Variants in ANKRD30B observed in about 807,000 individuals in gnomAD.
ANKRD30B encodes ankyrin repeat domain 30B.
ANKRD30B carries 144 observed loss-of-function variants against 202.2 expected under a neutral mutation model. The ratio of observed to expected loss-of-function variants is 0.71; its 90% CI spans 0.62 to 0.82. The LOEUF is 0.82. ANKRD30B is among the 40% of genes least tolerant of loss of function. The pLI is 0.00. For missense variants in ANKRD30B, 1,487 were observed against 1,669.1 expected, an observed-to-expected ratio of 0.89 and a Z score of 1.90; for synonymous variants, 508 against 561.3, an observed-to-expected ratio of 0.91 and a Z score of 1.34.
At chr18:14,836,502 T>C (rs1447304719) in intron 34 of ANKRD30B, among the ~76,000 whole-genome samples, 2 of 152,128 alleles carry the variant, frequency 1.3e-5, no homozygotes, top group African/African-American at 2.4e-5. Flanking sequence ...TAATTAACTC[T>C]CTACCTATAA....
chr18:14,844,757 C>T (rs947367604), intron 39 of ANKRD30B, among the ~76,000 whole-genome samples: 3 of 152,128 alleles, frequency 2.0e-5, no homozygotes, highest in African/African-American at 7.2e-5. Flanking sequence ...TGTTTCCTGA[C>T]TTTTTAATGA....
chr18:14,791,283 G>C, intron 15 of ANKRD30B, 118 bp from the exon 16 acceptor site: 1 of 801,732 alleles, frequency 1.2e-6, no homozygotes, highest in Non-Finnish European at 2.0e-6. Flanking sequence ...CTCTTAAGTC[G>C]AATTGTTTGC....
At chr18:14,818,197 A>G (rs1187128968) in intron 30 of ANKRD30B, among the ~76,000 whole-genome samples, 1 of 152,188 alleles carries the variant, frequency 6.6e-6, no homozygotes, top group Non-Finnish European at 1.5e-5. Context: ...ACAGTGTTTT[A>G]GCAACTCGCA....
intron 26 of ANKRD30B, among the ~76,000 whole-genome samples, chr18:14,808,961 C>T (rs1420736461): frequency 6.6e-6 from 1 of 150,832 alleles, no homozygotes; most frequent in Non-Finnish European, 1.5e-5. Context: ...ATGTGGATAT[C>T]TGTCCAGCAG....
At chr18:14,826,693 T>TCTCTCACACACA (rs762792279) in intron 32 of ANKRD30B, among the ~76,000 whole-genome samples, 1,517 of 124,990 alleles carry the variant, frequency 0.012, 10 homozygotes, top group Non-Finnish European at 0.019. Context: ...TCTCTCTCTC[T>TCTCTCACACACA]CACACACACA....
chr18:14,920,423 C>T, the ANKRD30B span, among the ~76,000 whole-genome samples: 1 of 152,148 alleles, frequency 6.6e-6, no homozygotes, highest in African/African-American at 2.4e-5. Context: ...ACCATAGTGA[C>T]TAGTGTCACC....
chr18:14,800,443 G>A (rs1194818830), intron 22 of ANKRD30B, among the ~76,000 whole-genome samples: 2 of 151,142 alleles, frequency 1.3e-5, no homozygotes, highest in Admixed American at 6.6e-5. Context: ...TCCTGCCTGG[G>A]CCTCCCAAGT....
intron 14 of ANKRD30B, among the ~76,000 whole-genome samples, chr18:14,786,697 G>A (rs1968104127): frequency 6.6e-6 from 1 of 152,176 alleles, no homozygotes; most frequent in Non-Finnish European, 1.5e-5. Flanking sequence ...AAAGAAATGA[G>A]AGATGATAGG....
At chr18:14,834,608 A>T (rs1192777842) in intron 34 of ANKRD30B, among the ~76,000 whole-genome samples, 1 of 152,022 alleles carries the variant, frequency 6.6e-6, no homozygotes, top group Non-Finnish European at 1.5e-5. Flanking sequence ...TAAAAAGCTG[A>T]CAGAAAATAT....
chr18:14,793,828 A>G (rs1968688113), intron 16 of ANKRD30B, among the ~76,000 whole-genome samples: 1 of 150,692 alleles, frequency 6.6e-6, no homozygotes, highest in Non-Finnish European at 1.5e-5. Context: ...CGGGAGGTGG[A>G]GCTTGTATTC....
Position 14,849,493 on chromosome 18 carries a change from T to C in ANKRD30B, c.3395+564T>C, listed in dbSNP as rs192214682. Reference sequence around the variant, plus strand: ...TGCATGGAATATAAAGAAAATATAATTTATGATTAGTTTATTCAACATCTC... The same window carrying C: ...TGCATGGAATATAAAGAAAATATAACTTATGATTAGTTTATTCAACATCTC... On this transcript the variant is annotated intron_variant, in intron 40 of 43. Coordinates refer to ENST00000690538, the MANE Select transcript of ANKRD30B (RefSeq NM_001367607.2). 5.0e-4 allele frequency among the ~76,000 whole-genome samples: 76 copies of C among 151,870 alleles called. 5 individuals are homozygous for C. The East Asian group carries it at 0.014, about 29-fold the overall frequency.
At chr18:14,866,737 A>T in the ANKRD30B span, among the ~76,000 whole-genome samples, 1 of 151,696 alleles carries the variant, frequency 6.6e-6, no homozygotes, top group Non-Finnish European at 1.5e-5. Flanking sequence ...GCAGGGGGCT[A>T]GTGGGTGGCG....
In ANKRD30B at chr18:14,840,796, C is replaced by T. The variant is rs1442672956; in HGVS notation, c.3079+118C>T. On this transcript the variant is annotated intron_variant, in intron 37 of 43. Transcript: ENST00000690538. The stretch of plus-strand genomic sequence containing the variant: ...TTTTTAAATGCATAACATGGAAGAA[C>T]AAAGGCAGTGAAAGTTATGTGTCTT... 3 of 492,824 alleles carry T rather than the reference C, an allele frequency of 6.1e-6. No homozygotes were observed. The East Asian group carries it at 1.2e-4, about 20-fold the overall frequency. 30.5% of individuals were successfully genotyped at this position (492,824 alleles called of 1,614,324 possible). A position where few individuals can be genotyped will look rare whatever the true frequency, so the allele number is the denominator to read the frequency against.
chr18:14,818,204 C>T (rs1024564963), intron 30 of ANKRD30B, among the ~76,000 whole-genome samples: 2 of 152,004 alleles, frequency 1.3e-5, no homozygotes, highest in African/African-American at 2.4e-5. Context: ...TTTAGCAACT[C>T]GCATTGTATA....
chr18:14,788,674 T>G (rs941243349), intron 15 of ANKRD30B, among the ~76,000 whole-genome samples: 3 of 152,124 alleles, frequency 2.0e-5, no homozygotes, highest in African/African-American at 7.2e-5. Flanking sequence ...AATAGTTTAC[T>G]GAGAATGATG....
Position 14,748,580 on chromosome 18 carries a change from T to C in ANKRD30B, c.161T>C (p.Leu54Pro). 1 of 1,564,350 alleles carries C rather than the reference T, an allele frequency of 6.4e-7. No homozygotes were observed. Among genetic ancestry groups the C allele is most frequent in the Non-Finnish European group, 8.7e-7 (1 of 1,154,150 alleles). Residue 54 changes from leucine (L) to proline (P), a missense_variant, in exon 1 of 44, where the codon CTG becomes CCG. Transcript: ENST00000690538. ...GCCTCCCGGGGCCAAGTCCAGAAGC[T>C]GGAGAAGATGACAGTAGGGAAGAAG... ...TAASRGQVQK[L>P]EKMTVGKKPV... is the part of the protein sequence containing the mutation.
intron 18 of ANKRD30B, among the ~76,000 whole-genome samples, chr18:14,797,249 G>C (rs536606369): frequency 9.2e-5 from 14 of 152,206 alleles, no homozygotes; most frequent in South Asian, 8.3e-4. Flanking sequence ...ACAAGGGTAG[G>C]ATTCCATTCC....
intron 8 of ANKRD30B, among the ~76,000 whole-genome samples, chr18:14,769,824 A>G (rs1339013671): frequency 6.6e-6 from 1 of 152,212 alleles, no homozygotes; most frequent in Admixed American, 6.5e-5. Context: ...TTGTTCTAAC[A>G]TGTTTAACTG....
intron 24 of ANKRD30B, among the ~76,000 whole-genome samples, chr18:14,805,246 C>A (rs1245575325): frequency 6.6e-6 from 1 of 150,868 alleles, no homozygotes; most frequent in African/African-American, 2.4e-5. Flanking sequence ...AACCATAATT[C>A]TGAATTTATG....
Sources: allele counts gnomAD v4.1 joint callset (sites outside exome capture counted in the v4.1 genomes callset), GRCh38; gene constraint gnomAD v4.1.1; transcripts MANE v1.5; gene names NCBI Gene and HGNC (gene_info 2026-07-23, HGNC 2026-07-21).